SLC36A3: variants seen among roughly 807,000 people sequenced by gnomAD.
SLC36A3 encodes the protein solute carrier family 36 member 3.
A neutral mutation model predicts 44.3 loss-of-function variants in SLC36A3; 35 were observed. The observed-to-expected ratio is 0.79, with a 90% CI of 0.60 to 1.05. SLC36A3 has a LOEUF of 1.05. Among genes scored for constraint, SLC36A3 ranks in the 50% least tolerant of loss-of-function variants. The pLI is 0.00. For missense variants in SLC36A3, 540 were observed against 578.7 expected, an observed-to-expected ratio of 0.93 and a Z score of 0.69; for synonymous variants, 211 against 227.6, an observed-to-expected ratio of 0.93 and a Z score of 0.66.
At chr5:151,282,112 T>TG (rs1754343886) in intron 8 of SLC36A3, among the ~76,000 whole-genome samples, 2 of 26,528 alleles carry the variant, frequency 7.5e-5, no homozygotes, top group African/African-American at 2.1e-4. Context: ...TTTTTCTTTG[T>TG]TTTTTTTTTT....
chr5:151,287,946 A>G (rs1754605533), intron 5 of SLC36A3, among the ~76,000 whole-genome samples: 2 of 152,196 alleles, frequency 1.3e-5, no homozygotes, highest in African/African-American at 2.4e-5. Flanking sequence ...TGGGTGCGCA[A>G]AAACAAGGAT....
At chr5:151,280,512 T>C (rs1327028731) in intron 9 of SLC36A3, among the ~76,000 whole-genome samples, 2 of 152,206 alleles carry the variant, frequency 1.3e-5, no homozygotes, top group Non-Finnish European at 2.9e-5. Flanking sequence ...CTGGGATTTT[T>C]CCCTACAGTT....
rs1287789181 is a variant in SLC36A3, at chr5:151,303,274, A to G, written c.81T>C (p.Ser27=). The G allele has an allele frequency of 6.2e-7, 1 of 1,614,164 alleles. No individual in the cohort carries two copies. Among genetic ancestry groups the G allele is most frequent in the South Asian group, 1.1e-5 (1 of 91,080 alleles). Reference sequence around the variant, plus strand: ...GATGGACATTCTCTGAAGTAATGCTACTGCTGCTCTCTGAGGGTGACTGAG... The same window carrying G: ...GATGGACATTCTCTGAAGTAATGCTGCTGCTGCTCTCTGAGGGTGACTGAG... ...NGPQSPSESS[S]SITSENVHPA... The change falls in exon 1 of 10, where the codon AGT becomes AGC. Residue 27 remains serine, a synonymous_variant. Transcript: ENST00000335230.
At chr5:151,284,580 A>G (rs1754459047) in intron 7 of SLC36A3, 33 bp downstream of exon 7, 5 of 1,545,920 alleles carry the variant, frequency 3.2e-6, no homozygotes, top group Admixed American at 1.8e-5. Context: ...AGAGGGCGCT[A>G]GGGACCATTC....
Position 151,299,393 on chromosome 5 carries a change from AT to A in SLC36A3, c.129-711del, listed in dbSNP as rs1314119619. Among the ~76,000 whole-genome samples the A allele has an allele frequency of 7.6e-4, 101 of 132,996 alleles. 1 individual carries two copies. Among genetic ancestry groups the A allele is most frequent in the African/African-American group, 1.5e-3 (56 of 36,708 alleles). The allele number at this position is 132,996 out of a possible 152,430, so 87.3% of individuals were successfully genotyped here. ...TGGTGATATATATATATATATATAT[AT>A]TATATATATATGAATTGCTATATAT... On this transcript the variant is annotated intron_variant, in intron 1 of 9. Transcript: ENST00000335230.
chr5:151,299,287 T>C (rs1755087963), intron 1 of SLC36A3, among the ~76,000 whole-genome samples: 1 of 140,736 alleles, frequency 7.1e-6, no homozygotes, highest in Non-Finnish European at 1.5e-5. Context: ...TATATATATA[T>C]ATATGAAATG....
intron 7 of SLC36A3, 26 bp downstream of exon 7, chr5:151,284,587 A>C (rs982755439): frequency 1.9e-6 from 3 of 1,574,202 alleles, no homozygotes; most frequent in Non-Finnish European, 2.6e-6. Context: ...GCTAGGGACC[A>C]TTCGCGTGAA....
chr5:151,278,978 C>A (rs1754207283), intron 9 of SLC36A3, among the ~76,000 whole-genome samples: 1 of 152,178 alleles, frequency 6.6e-6, no homozygotes, highest in Non-Finnish European at 1.5e-5. Context: ...TCTGCATGGC[C>A]CAAACTCCTC....
intron 8 of SLC36A3, among the ~76,000 whole-genome samples, 165 bp downstream of exon 8, chr5:151,283,879 G>T (rs1329401800): frequency 6.6e-6 from 1 of 152,330 alleles, no homozygotes; most frequent in Admixed American, 6.5e-5. Flanking sequence ...GTGAGGTGCG[G>T]CCATGTGGCT....
intron 2 of SLC36A3, chr5:151,297,558 C>G (rs1417890416): frequency 6.6e-6 from 1 of 152,228 alleles, no homozygotes; most frequent in Admixed American, 6.5e-5. Flanking sequence ...TTAATGGAAA[C>G]TTGCTGTGTG....
intron 4 of SLC36A3, among the ~76,000 whole-genome samples, chr5:151,291,056 CA>C (rs1395284281): frequency 3.3e-5 from 5 of 151,114 alleles, no homozygotes; most frequent in African/African-American, 1.2e-4. Context: ...AGTCATGGCT[CA>C]CTGCAGCCTC....
In SLC36A3 at chr5:151,303,276, T is replaced by C. The variant is rs1212354430; in HGVS notation, c.79A>G (p.Ser27Gly). ...TGGACATTCTCTGAAGTAATGCTAC[T>C]GCTGCTCTCTGAGGGTGACTGAGGT... is the stretch of plus-strand genomic sequence containing the variant. ...NGPQSPSESS[S>G]SITSENVHPA... The change falls in exon 1 of 10, where the codon AGT (serine) becomes GGT (glycine). Residue 27 changes from serine (S) to glycine (G), a missense_variant. Physicochemically the swap from Ser to Gly is moderately conservative, Grantham distance 56. Transcript: ENST00000335230. 6.2e-7 allele frequency: 1 copy of C among 1,614,198 alleles called. No individual in the cohort carries two copies. Among genetic ancestry groups the C allele is most frequent in the African/African-American group, 1.3e-5 (1 of 75,066 alleles).
chr5:151,289,489 C>T (rs1413369394), intron 4 of SLC36A3, among the ~76,000 whole-genome samples: 2 of 133,734 alleles, frequency 1.5e-5, no homozygotes, highest in African/African-American at 2.9e-5. Context: ...GAGTGAGAAT[C>T]TGCCTCAAAA....
intron 3 of SLC36A3, among the ~76,000 whole-genome samples, chr5:151,294,613 C>T (rs188492188): frequency 1.1e-3 from 167 of 151,456 alleles, no homozygotes; most frequent in Non-Finnish European, 2.0e-3. Flanking sequence ...ATCTCCAATT[C>T]ACATTTTGTG....
chr5:151,288,592 T>C lies in SLC36A3; in HGVS notation c.405-122A>G, dbSNP rs1754634724. On this transcript the variant is annotated intron_variant, in intron 4 of 9. Transcript: ENST00000335230. ...ATTTTTAAAAATTTCCCTACTTTCT[T>C]TTATTTTGAAAAATTTTTAAGCCAA... 3 of 860,712 alleles carry C rather than the reference T, an allele frequency of 3.5e-6. No homozygotes were observed. The South Asian group carries it at 7.8e-5, about 23-fold the overall frequency. 53.3% of individuals were successfully genotyped at this position (860,712 alleles called of 1,614,324 possible).
In SLC36A3 at chr5:151,288,461, G is replaced by A; in HGVS notation, c.414C>T (p.Val138=). 6.4e-7 allele frequency: 1 copy of A among 1,574,618 alleles called. No homozygotes were observed. Reference sequence around the variant, plus strand: ...GCTGGGTGATGACTAATAAGAAGCTGACAGTGTACCTGGGAAGGAAAGGAA... The same window carrying A: ...GCTGGGTGATGACTAATAAGAAGCTAACAGTGTACCTGGGAAGGAAAGGAA... ...RAHAVWGRYT[V]SFLLVITQLG... is the part of the protein sequence containing the mutation. The change falls in exon 5 of 10, where the codon GTC becomes GTT. Residue 138 remains valine, a synonymous_variant. Coordinates refer to ENST00000335230, the MANE Select transcript of SLC36A3 (RefSeq NM_181774.4).
At position 151,284,046 on chromosome 5, in the gene SLC36A3, G is replaced by C. The variant is rs775464211; in HGVS notation, c.972C>G (p.Cys324Trp). Residue 324 changes from cysteine to tryptophan, a missense_variant and splice_region_variant, in exon 8 of 10, where the codon TGC (cysteine) becomes TGG (tryptophan). Cys to Trp is a radical substitution (Grantham distance 215). Coordinates refer to ENST00000335230, the MANE Select transcript of SLC36A3 (RefSeq NM_181774.4). ...QASITLNLPN[C>W]WLYQSVKLMY... is the part of the protein sequence containing the mutation. ...CACCTGAGGTGGGCAGGACATACCA[G>C]CAATTGGGCAAGTTGAGGGTGATGC... The C allele has an allele frequency of 4.3e-6, 7 of 1,609,932 alleles. No individual in the cohort carries two copies. The African/African-American group carries it at 8.0e-5, about 18-fold the overall frequency.
chr5:151,285,434 G>A (rs915031355), intron 6 of SLC36A3, among the ~76,000 whole-genome samples: 4 of 152,164 alleles, frequency 2.6e-5, no homozygotes, highest in Non-Finnish European at 5.9e-5. Flanking sequence ...TAAGAATTCA[G>A]GTCTCCTGTT....
At chr5:151,299,264 C>CTCTCTCTCTCTCTCTATA (rs1372309288) in intron 1 of SLC36A3, among the ~76,000 whole-genome samples, 57 of 59,640 alleles carry the variant, frequency 9.6e-4, no homozygotes, top group Non-Finnish European at 1.7e-3. Context: ...CTCTCTCTCT[C>CTCTCTCTCTCTCTCTATA]TATATATATA....
Sources: allele counts gnomAD v4.1 joint callset (sites outside exome capture counted in the v4.1 genomes callset), GRCh38; gene constraint gnomAD v4.1.1; transcripts MANE v1.5; gene names NCBI Gene and HGNC (gene_info 2026-07-23, HGNC 2026-07-21).